The following ADGRF1 variants were observed in gnomAD, a reference collection of about 807,000 sequenced individuals.
ADGRF1 encodes the protein adhesion G protein-coupled receptor F1.
A neutral mutation model predicts 87.2 loss-of-function variants in ADGRF1; 85 were observed. The ratio of observed to expected loss-of-function variants is 0.97; its 90% CI spans 0.82 to 1.17. The LOEUF is 1.17. Among genes scored for constraint, ADGRF1 ranks in the 50% most tolerant of loss-of-function variants. The probability of loss-of-function intolerance (pLI) is 0.00; values close to 1 mark genes in which losing one functional copy is unlikely to be tolerated. For missense variants in ADGRF1, 1,169 were observed against 1,077.2 expected, an observed-to-expected ratio of 1.09 and a Z score of -1.19; for synonymous variants, 430 against 408.8, an observed-to-expected ratio of 1.05 and a Z score of -0.63.
chr6:47,009,610 A>C lies in ADGRF1; in HGVS notation c.1825T>G (p.Leu609Val). The C allele has an allele frequency of 6.2e-7, 1 of 1,614,194 alleles. No individual in the cohort carries two copies. The highest frequency in any genetic ancestry group is 8.5e-7 in the Non-Finnish European group (1 of 1,180,030). ...SLILCLIIEA[L>V]FWKQIKKSQT... Reference sequence around the variant, plus strand: ...CTTTTTTTAATCTGCTTCCAAAACAAAGCCTCGATGATCAGGCATAAAATG... The same window carrying C: ...CTTTTTTTAATCTGCTTCCAAAACACAGCCTCGATGATCAGGCATAAAATG... Residue 609 changes from leucine to valine, a missense_variant, in exon 11 of 15, where the codon TTG (leucine) becomes GTG (valine). Coordinates refer to ENST00000371253, the MANE Select transcript of ADGRF1 (RefSeq NM_153840.4).
rs143669522 is a variant in ADGRF1 at position 47,029,024 on chromosome 6, G to A, written c.38C>T (p.Thr13Ile). The change falls in exon 2 of 15, where the codon ACC (threonine) becomes ATC (isoleucine). Residue 13 changes from threonine to isoleucine, a missense_variant. Transcript: ENST00000371253. Reference protein sequence around the residue: ...VGVLWLISFFTFTDGHGGFLG... With the variant: ...VGVLWLISFFIFTDGHGGFLG... ...GAAGCCACCGTGGCCGTCAGTGAAG[G>A]TGAAGAAAGAAATGAGCCACAGCAC... 3,498 of 1,614,144 alleles carry A rather than the reference G, an allele frequency of 2.2e-3. 6 individuals carry two copies. Among genetic ancestry groups the A allele is most frequent in the Middle Eastern group, 0.017 (106 of 6,062 alleles).
chr6:47,026,196 C>T (rs571751167), intron 3 of ADGRF1, among the ~76,000 whole-genome samples, 193 bp from the exon 4 acceptor site: 158 of 152,214 alleles, frequency 1.0e-3, no homozygotes, highest in Non-Finnish European at 8.1e-4. Flanking sequence ...TTCCCACACA[C>T]GCCAAATATA....
intron 14 of ADGRF1, 38 bp from the exon 15 acceptor site, chr6:47,000,333 C>T (rs1779326915): frequency 6.8e-7 from 1 of 1,471,686 alleles, no homozygotes; most frequent in Non-Finnish European, 9.4e-7. Flanking sequence ...TATTGTTACT[C>T]TGTTGAAATC....
intron 1 of ADGRF1, among the ~76,000 whole-genome samples, chr6:47,033,668 C>T (rs1780501779): frequency 6.6e-6 from 1 of 152,268 alleles, no homozygotes; most frequent in Admixed American, 6.5e-5. Context: ...GAAATCATGA[C>T]TCAAAAAGAA....
chr6:47,014,199 C>A, intron 9 of ADGRF1: 1 of 960,116 alleles, frequency 1.0e-6, no homozygotes, highest in Non-Finnish European at 1.2e-6. Flanking sequence ...GTTGGTAAAC[C>A]AGATGCCCCT....
intron 1 of ADGRF1, among the ~76,000 whole-genome samples, chr6:47,032,033 C>G (rs1780445399): frequency 6.6e-6 from 1 of 152,154 alleles, no homozygotes; most frequent in African/African-American, 2.4e-5. Context: ...TAAAGCTACA[C>G]AAGCAATGCT....
rs573731055 is a variant in ADGRF1 at position 47,019,639 on chromosome 6, G to A, written c.611+1092C>T. ...GTGGAGGTTGCAGTGAGCCGAGATC[G>A]TGCCACTGCACTCCAGCCTAGGCGA... On this transcript the variant is annotated intron_variant, in intron 7 of 14. Transcript: ENST00000371253. The A allele has an allele frequency of 9.7e-5, 46 of 473,216 alleles. No individual in the cohort carries two copies. The South Asian group carries it at 2.6e-3, about 26-fold the overall frequency. The allele number at this position is 473,216 out of a possible 1,614,324, so 29.3% of individuals were successfully genotyped here. A position where few individuals can be genotyped will look rare whatever the true frequency, so the allele number is the denominator to read the frequency against.
intron 1 of ADGRF1, 149 bp from the exon 2 acceptor site, chr6:47,029,253 T>C: frequency 1.7e-6 from 1 of 587,950 alleles, no homozygotes; most frequent in Non-Finnish European, 3.0e-6. Context: ...TGTGACATCA[T>C]GACTTCTGCT....
chr6:47,038,141 G>A (rs1011598855), intron 1 of ADGRF1, among the ~76,000 whole-genome samples: 1 of 152,202 alleles, frequency 6.6e-6, no homozygotes, highest in African/African-American at 2.4e-5. Flanking sequence ...GATTACAGGC[G>A]TGAGGCACCG....
At chr6:47,025,116 A>G (rs1370897303) in intron 4 of ADGRF1, among the ~76,000 whole-genome samples, 1 of 152,154 alleles carries the variant, frequency 6.6e-6, no homozygotes, top group East Asian at 1.9e-4. Flanking sequence ...GCCCCCTTCT[A>G]TTACACCTGA....
At chr6:47,035,246 T>A (rs1449713492) in intron 1 of ADGRF1, among the ~76,000 whole-genome samples, 1 of 152,198 alleles carries the variant, frequency 6.6e-6, no homozygotes, top group South Asian at 2.1e-4. Flanking sequence ...CCGCAAAAGA[T>A]GCCAAGCTCT....
chr6:47,001,635 G>C (rs1201096873), intron 13 of ADGRF1, 68 bp from the exon 14 acceptor site: 1 of 1,221,674 alleles, frequency 8.2e-7, no homozygotes, highest in Non-Finnish European at 1.2e-6. Flanking sequence ...TGCATTTCCT[G>C]ACTTCCTGAT....
intron 4 of ADGRF1, 158 bp from the exon 5 acceptor site, chr6:47,024,375 C>A: frequency 1.7e-6 from 1 of 589,264 alleles, no homozygotes; most frequent in South Asian, 2.3e-5. Flanking sequence ...AATACAGTGG[C>A]ATGATCTCAG....
At position 47,000,054 on chromosome 6, in the gene ADGRF1, T is replaced by A. The variant is rs1208375772; in HGVS notation, c.*168A>T. The A allele has an allele frequency of 3.6e-6, 2 of 550,330 alleles. No individual in the cohort carries two copies. Among genetic ancestry groups the A allele is most frequent in the Non-Finnish European group, 6.5e-6 (2 of 306,376 alleles). The allele number at this position is 550,330 out of a possible 1,614,324, so 34.1% of individuals were successfully genotyped here. A position where few individuals can be genotyped will look rare whatever the true frequency, so the allele number is the denominator to read the frequency against. On this transcript the variant is annotated 3_prime_UTR_variant, in exon 15 of 15. Transcript: ENST00000371253. ...GAAATAAATCTTCTTTTCATTTAAT[T>A]GAAGACAAAAGGGAGCAGTAATGAA...
chr6:47,016,955 T>C (rs1209738177), intron 7 of ADGRF1, 187 bp from the exon 8 acceptor site: 3 of 474,754 alleles, frequency 6.3e-6, no homozygotes, highest in South Asian at 8.8e-5. Context: ...ATATGATATA[T>C]ATATATGTAT....
intron 10 of ADGRF1, among the ~76,000 whole-genome samples, chr6:47,011,277 T>C (rs1779698267): frequency 6.6e-6 from 1 of 152,234 alleles, no homozygotes; most frequent in Non-Finnish European, 1.5e-5. Context: ...TTAGTGTCAC[T>C]TCTGAAACAA....
rs552567295 is a variant in ADGRF1, at chr6:47,012,181, A to G, written c.942T>C (p.Ile314=). The G allele has an allele frequency of 3.1e-6, 5 of 1,608,108 alleles. No homozygotes were observed. The South Asian group carries it at 5.5e-5, about 18-fold the overall frequency. Residue 314 remains isoleucine (I), a synonymous_variant, in exon 10 of 15, where the codon ATT becomes ATC. Coordinates refer to ENST00000371253, the MANE Select transcript of ADGRF1 (RefSeq NM_153840.4). The part of the protein sequence containing the change: ...LEELNKNFSM[I]VGNATEAAVS... ...CAGCTGCCTCAGTGGCATTGCCTAC[A>G]ATCATACTGAAATTCTAGAAGCGAA... is the stretch of plus-strand genomic sequence containing the variant.
chr6:47,004,243 T>C (rs1222580439), intron 13 of ADGRF1, among the ~76,000 whole-genome samples: 1 of 152,228 alleles, frequency 6.6e-6, no homozygotes, highest in Non-Finnish European at 1.5e-5. Flanking sequence ...CTTCTCATCA[T>C]CTGTCATTTG....
At chr6:47,020,357 G>A (rs1582165885) in intron 7 of ADGRF1, 6 of 795,060 alleles carry the variant, frequency 7.5e-6, no homozygotes, top group East Asian at 2.9e-5. Flanking sequence ...TTAGCTGGAT[G>A]TGGTGGCAGG....
Sources: allele counts gnomAD v4.1 joint callset (sites outside exome capture counted in the v4.1 genomes callset), GRCh38; gene constraint gnomAD v4.1.1; transcripts MANE v1.5; gene names NCBI Gene and HGNC (gene_info 2026-07-23, HGNC 2026-07-21).